The following CP variants were observed in gnomAD, a reference collection of about 807,000 sequenced individuals.
CP encodes caeruloplasmin.
A neutral mutation model predicts 122.4 loss-of-function variants in CP; 64 were observed. The observed-to-expected ratio is 0.52, with a 90% CI of 0.43 to 0.64. The LOEUF (loss-of-function observed/expected upper bound fraction) is 0.64. Among genes scored for constraint, CP ranks in the 30% least tolerant of loss-of-function variants. The pLI is 0.00. For synonymous variants in CP, 440 were observed against 436.4 expected, an observed-to-expected ratio of 1.01 and a Z score of -0.10; for missense variants, 1,167 against 1,284.4, an observed-to-expected ratio of 0.91 and a Z score of 1.40.
chr3:149,185,485 A>G (rs1726104783), intron 11 of CP, 39 bp from the exon 12 acceptor site: 1 of 1,597,500 alleles, frequency 6.3e-7, no homozygotes, highest in African/African-American at 1.3e-5. Context: ...CTTCTTTGCT[A>G]GTGCCCTCTG....
intron 5 of CP, among the ~76,000 whole-genome samples, chr3:149,207,050 C>A (rs987858056): frequency 4.6e-5 from 7 of 152,068 alleles, no homozygotes; most frequent in African/African-American, 1.7e-4. Context: ...AGGGTGCTTT[C>A]CAGTGCAACA....
Position 149,177,880 on chromosome 3 carries a change from A to G in CP, c.2978T>C (p.Leu993Ser). The change falls in exon 17 of 19, where the codon TTA becomes TCA. Residue 993 changes from leucine to serine, a missense_variant. Around this residue, in one of 2 missense-constraint regions of CP, gnomAD observed 525 missense variants for 657.2 expected, o/e 0.80. Coordinates refer to ENST00000264613, the MANE Select transcript of CP (RefSeq NM_000096.4). ...YLMGMGNEID[L>S]HTVHFHGHSF... is the part of the protein sequence containing the mutation. ...ATGGCCGTGAAAATGTACAGTGTGT[A>G]AGTCTATTTCATTGCCCATTCCCAT... 1.2e-6 allele frequency: 2 copies of G among 1,613,814 alleles called. No homozygotes were observed. Among genetic ancestry groups the G allele is most frequent in the Non-Finnish European group, 1.7e-6 (2 of 1,179,712 alleles).
At position 149,207,463 on chromosome 3, in the gene CP, G is replaced by A. The variant is rs373073229; in HGVS notation, c.936C>T (p.Asp312=). ...QALTNKNYRI[D]TINLFPATLF... Reference sequence around the variant, plus strand: ...GGGTAGCAGGAAAGAGGTTGATTGTGTCAATACGGTAGTTCTTGTTAGTCA... The same window carrying A: ...GGGTAGCAGGAAAGAGGTTGATTGTATCAATACGGTAGTTCTTGTTAGTCA... The change falls in exon 5 of 19, where the codon GAC becomes GAT. Residue 312 remains aspartate (D), a synonymous_variant. Coordinates refer to ENST00000264613, the MANE Select transcript of CP (RefSeq NM_000096.4). 1.2e-5 allele frequency: 20 copies of A among 1,613,996 alleles called. No individual in the cohort carries two copies. The highest frequency in any genetic ancestry group is 1.7e-5 in the Admixed American group (1 of 60,008).
intron 17 of CP, among the ~76,000 whole-genome samples, chr3:149,177,435 A>G (rs910559907): frequency 2.0e-5 from 3 of 152,144 alleles, no homozygotes; most frequent in African/African-American, 7.2e-5. Flanking sequence ...TCTATGGAGG[A>G]TTGGTTTCAG....
chr3:149,211,080 A>G (rs1728070578), intron 2 of CP, among the ~76,000 whole-genome samples: 1 of 152,354 alleles, frequency 6.6e-6, no homozygotes, highest in African/African-American at 2.4e-5. Flanking sequence ...TTAAAAAGAA[A>G]TAGGATGGCA....
At chr3:149,192,916 G>A (rs1454208119) in intron 9 of CP, among the ~76,000 whole-genome samples, 4 of 151,350 alleles carry the variant, frequency 2.6e-5, no homozygotes, top group East Asian at 1.9e-4. Context: ...TACACTTTAC[G>A]CAGTGATTTT....
chr3:149,181,973 T>TGGGGG, intron 14 of CP, 32 bp downstream of exon 14: 3 of 1,375,562 alleles, frequency 2.2e-6, no homozygotes, highest in Non-Finnish European at 3.1e-6. Context: ...CCTGTTAAAA[T>TGGGGG]GCACCACCCC....
chr3:149,193,294 A>T (rs1189315397), intron 9 of CP, among the ~76,000 whole-genome samples: 1 of 152,206 alleles, frequency 6.6e-6, no homozygotes, highest in Non-Finnish European at 1.5e-5. Flanking sequence ...AACAAAAAAT[A>T]GTATGTCAAA....
chr3:149,185,071 A>G (rs577065826), intron 12 of CP, 168 bp downstream of exon 12: 7 of 665,274 alleles, frequency 1.1e-5, no homozygotes, highest in Non-Finnish European at 1.8e-5. Context: ...GAGAAGCGGA[A>G]ATGAATAAGG....
intron 1 of CP, among the ~76,000 whole-genome samples, chr3:149,219,437 G>A (rs1728668973): frequency 6.6e-6 from 1 of 152,148 alleles, no homozygotes; most frequent in Non-Finnish European, 1.5e-5. Context: ...CATGGATGTG[G>A]TTTCCCCCAT....
At chr3:149,174,083 C>T (rs1002980890) in intron 18 of CP, among the ~76,000 whole-genome samples, 2 of 152,144 alleles carry the variant, frequency 1.3e-5, no homozygotes, top group Non-Finnish European at 2.9e-5. Context: ...AACACAACAT[C>T]ATGCCATGAT....
intron 4 of CP, among the ~76,000 whole-genome samples, chr3:149,208,122 T>C (rs1053272016): frequency 6.6e-6 from 1 of 152,010 alleles, no homozygotes; most frequent in Non-Finnish European, 1.5e-5. Context: ...AAGACAAAAT[T>C]TTTAAGATTG....
chr3:149,202,774 A>AT (rs1400413009), intron 6 of CP, among the ~76,000 whole-genome samples: 2 of 147,974 alleles, frequency 1.4e-5, no homozygotes, highest in African/African-American at 5.0e-5. Context: ...TGCCTGGCTA[A>AT]TTTTTTGTAT....
In CP at chr3:149,185,982, G is replaced by A. The variant is rs115004392; in HGVS notation, c.2078-536C>T. 8.0e-3 allele frequency: 1,393 copies of A among 174,252 alleles called. 8 individuals are homozygous for A. The highest frequency in any genetic ancestry group is 0.014 in the Non-Finnish European group (1,120 of 80,758). 10.8% of individuals were successfully genotyped at this position (174,252 alleles called of 1,614,324 possible). On this transcript the variant is annotated intron_variant, in intron 11 of 18. Coordinates refer to ENST00000264613, the MANE Select transcript of CP (RefSeq NM_000096.4). ...TTCAGTGGCATATGATAAACCAAAT[G>A]AAGCCTGAAACAAGCTAGCATATTT...
At chr3:149,205,686 T>C (rs1004618644) in intron 6 of CP, among the ~76,000 whole-genome samples, 2 of 152,000 alleles carry the variant, frequency 1.3e-5, no homozygotes, top group Non-Finnish European at 2.9e-5. Flanking sequence ...TTGCCTAGAA[T>C]AGGAAAACTC....
At chr3:149,172,318 TCA>T (rs113015797), downstream of CP, 54,871 of 552,594 alleles carry the variant, frequency 0.099, 298 homozygotes, top group Middle Eastern at 0.14. Context: ...ATTTTATATA[TCA>T]CACACACACA....
chr3:149,195,991 TTAACCCGTA>T (rs1726875743), intron 9 of CP, among the ~76,000 whole-genome samples: 1 of 152,118 alleles, frequency 6.6e-6, no homozygotes, highest in South Asian at 2.1e-4. Flanking sequence ...GTACAATGAA[TTAACCCGTA>T]TATCCAGTGG....
Position 149,209,294 on chromosome 3 carries a change from T to C in CP, c.698A>G (p.Glu233Gly). The C allele has an allele frequency of 6.2e-7, 1 of 1,613,834 alleles. No individual in the cohort carries two copies. Among genetic ancestry groups the C allele is most frequent in the Non-Finnish European group, 8.5e-7 (1 of 1,179,792 alleles). Residue 233 changes from glutamate (E) to glycine (G), a missense_variant, in exon 4 of 19, where the codon GAA becomes GGA. Glu to Gly is a moderately conservative substitution (Grantham distance 98). Around this residue, in one of 2 missense-constraint regions of CP, gnomAD observed 642 missense variants for 627.3 expected, o/e 1.02. Transcript: ENST00000264613. Reference sequence around the variant, plus strand: ...TGAGCAGTAGGTTTTAATGTTGTCTTCTAGGTACCAGCTGAAATTTTCATC... The same window carrying C: ...TGAGCAGTAGGTTTTAATGTTGTCTCCTAGGTACCAGCTGAAATTTTCATC... Reference protein sequence around the residue: ...VVDENFSWYLEDNIKTYCSEP... With the variant: ...VVDENFSWYLGDNIKTYCSEP...
downstream of CP, chr3:149,167,788 G>T: frequency 1.3e-6 from 1 of 750,824 alleles, no homozygotes; most frequent in South Asian, 1.4e-5. Flanking sequence ...TAGACAAAAT[G>T]ATGTATTTTT....
Sources: gnomAD v4.1 joint callset for allele counts (sites outside exome capture counted in the v4.1 genomes callset) on GRCh38, gnomAD v4.1.1 for gene constraint, gnomAD v4.1.1 regional missense constraint, MANE v1.5 for transcripts, NCBI Gene and HGNC (gene_info 2026-07-23, HGNC 2026-07-21) for gene names.